The following CLEC4D variants were observed in gnomAD, a reference collection of about 807,000 sequenced individuals.
The protein encoded by CLEC4D is C-type (calcium dependent, carbohydrate-recognition domain) lectin, superfamily member 8.
A neutral mutation model predicts 21.1 loss-of-function variants in CLEC4D; 21 were observed. The ratio of observed to expected loss-of-function variants is 1.00; its 90% CI spans 0.71 to 1.43. The LOEUF (loss-of-function observed/expected upper bound fraction) is 1.43, where lower values mean the gene tolerates loss of function less well. CLEC4D is among the 40% of genes most tolerant of loss of function. The probability of loss-of-function intolerance (pLI) is 0.00; values close to 1 mark genes in which losing one functional copy is unlikely to be tolerated. For synonymous variants in CLEC4D, 85 were observed against 83.1 expected (o/e 1.02, Z -0.12); for missense variants, 289 against 260.7 (o/e 1.11, Z -0.75).
At chr12:8,518,798 C>T (rs1352584315) in intron 3 of CLEC4D, among the ~76,000 whole-genome samples, 2 of 152,104 alleles carry the variant, frequency 1.3e-5, no homozygotes, top group Admixed American at 6.5e-5. Flanking sequence ...GTGATTTTCT[C>T]GTAGTCATTA....
chr12:8,527,445 A>C, the CLEC4D span, among the ~76,000 whole-genome samples: 1 of 151,976 alleles, frequency 6.6e-6, no homozygotes, highest in African/African-American at 2.4e-5. Flanking sequence ...AGGCTGTGTC[A>C]AGGTTAGGCC....
chr12:8,513,567 C>A lies in CLEC4D; in HGVS notation c.-166C>A. ...TTGAAAAAGACTTCTTTTGAGCTAA[C>A]TTTCTTATACTGGTACCTTTCTAAT... is the stretch of plus-strand genomic sequence containing the variant. On this transcript the variant is annotated 5_prime_UTR_variant, in exon 1 of 6. Coordinates refer to ENST00000299665, the MANE Select transcript of CLEC4D (RefSeq NM_080387.5). The A allele has an allele frequency of 5.6e-6, 2 of 358,578 alleles. No individual in the cohort carries two copies. Among genetic ancestry groups the A allele is most frequent in the African/African-American group, 2.1e-5 (1 of 46,708 alleles). 22.2% of individuals were successfully genotyped at this position (358,578 alleles called of 1,614,324 possible). A position where few individuals can be genotyped will look rare whatever the true frequency, so the allele number is the denominator to read the frequency against.
intron 5 of CLEC4D, 26 bp from the exon 6 acceptor site, chr12:8,521,098 C>A: frequency 3.1e-6 from 5 of 1,606,606 alleles, no homozygotes; most frequent in Non-Finnish European, 4.2e-6. Flanking sequence ...ACCTATAAAT[C>A]TCTATCTATG....
intron 2 of CLEC4D, among the ~76,000 whole-genome samples, chr12:8,517,722 G>A (rs1459289811): frequency 1.3e-5 from 2 of 152,080 alleles, no homozygotes; most frequent in South Asian, 2.1e-4. Context: ...CGAGGCAGGC[G>A]GATCTCGAGG....
At chr12:8,519,559 A>G (rs1469358615) in intron 4 of CLEC4D, among the ~76,000 whole-genome samples, 5 of 152,122 alleles carry the variant, frequency 3.3e-5, no homozygotes, top group Non-Finnish European at 7.3e-5. Flanking sequence ...TGCGCTTCCA[A>G]TGTCCCGTGC....
At chr12:8,515,758 G>A (rs757235328) in intron 2 of CLEC4D, among the ~76,000 whole-genome samples, 125 of 151,108 alleles carry the variant, frequency 8.3e-4, no homozygotes, top group African/African-American at 3.0e-3. Flanking sequence ...CCTCTTTATT[G>A]ATGTACGATT....
At chr12:8,516,480 C>G (rs753907711) in intron 2 of CLEC4D, among the ~76,000 whole-genome samples, 3 of 152,134 alleles carry the variant, frequency 2.0e-5, no homozygotes, top group Non-Finnish European at 2.9e-5. Flanking sequence ...AATGAAATGT[C>G]TAATAAACAC....
At position 8,518,241 on chromosome 12, in the gene CLEC4D, A is replaced by G. The variant is rs776374879; in HGVS notation, c.199A>G (p.Ile67Val). 1.7e-5 allele frequency: 23 copies of G among 1,355,114 alleles called. No homozygotes were observed. The Admixed American group carries it at 3.5e-4, about 21-fold the overall frequency. The allele number at this position is 1,355,114 out of a possible 1,614,324, so 83.9% of individuals were successfully genotyped here. The part of the protein sequence containing the change: ...KLEHHAKLKC[I>V]KEKSELKSAE... ...AGAGCACCATGCAAAGCTCAAATGC[A>G]TCAAAGAGAAATCAGAACTGAAAAG... The change falls in exon 3 of 6, where the codon ATC becomes GTC. Residue 67 changes from isoleucine to valine, a missense_variant. Transcript: ENST00000299665.
chr12:8,514,696 A>G (rs1940353659), intron 1 of CLEC4D, among the ~76,000 whole-genome samples: 2 of 152,150 alleles, frequency 1.3e-5, no homozygotes, highest in Admixed American at 6.5e-5. Flanking sequence ...TAATTTACTT[A>G]AAAAATCTGA....
chr12:8,531,252 C>T, the CLEC4D span, among the ~76,000 whole-genome samples: 3 of 152,178 alleles, frequency 2.0e-5, no homozygotes, highest in African/African-American at 7.2e-5. Context: ...GGTAGTCATG[C>T]GTCCCTCTCC....
At position 8,520,214 on chromosome 12, in the gene CLEC4D, A is replaced by G. The variant is rs749098641; in HGVS notation, c.385-12A>G. On this transcript the variant is annotated splice_polypyrimidine_tract_variant and intron_variant, in intron 4 of 5. Transcript: ENST00000299665. Reference sequence around the variant, plus strand: ...TTCATGCAACTATATTAAAATTTACATTTTTATGCAGAACTTTATTATTCA... The same window carrying G: ...TTCATGCAACTATATTAAAATTTACGTTTTTATGCAGAACTTTATTATTCA... The G allele has an allele frequency of 6.2e-7, 1 of 1,612,728 alleles. No individual in the cohort carries two copies. The highest frequency in any genetic ancestry group is 1.7e-5 in the Admixed American group (1 of 59,942).
At chr12:8,518,310 A>C in intron 3 of CLEC4D, 36 bp downstream of exon 3, 1 of 830,988 alleles carries the variant, frequency 1.2e-6, no homozygotes, top group Non-Finnish European at 2.0e-6. Flanking sequence ...TTTAATTTCC[A>C]TTTTCGTTCA....
At chr12:8,523,014 T>G (rs1287378561), downstream of CLEC4D, among the ~76,000 whole-genome samples, 2 of 152,108 alleles carry the variant, frequency 1.3e-5, no homozygotes, top group African/African-American at 2.4e-5. Context: ...TGTAGATGTA[T>G]GGTGTTATTG....
At chr12:8,531,632 C>G in the CLEC4D span, among the ~76,000 whole-genome samples, 8 of 151,946 alleles carry the variant, frequency 5.3e-5, no homozygotes, top group East Asian at 7.7e-4. Flanking sequence ...CGCATTGTAT[C>G]CCACAAATGT....
rs1373920566 is a variant in CLEC4D, at chr12:8,520,306, T to C, written c.465T>C (p.Arg155=). The C allele has an allele frequency of 6.2e-7, 1 of 1,613,922 alleles. No individual in the cohort carries two copies. Among genetic ancestry groups the C allele is most frequent in the Non-Finnish European group, 8.5e-7 (1 of 1,179,904 alleles). Reference sequence around the variant, plus strand: ...ATGAGAATGCCAAAGGTCAGTGGCGTTGGGTGGACCAGACGCCATTTAACC... The same window carrying C: ...ATGAGAATGCCAAAGGTCAGTGGCGCTGGGTGGACCAGACGCCATTTAACC... The part of the protein sequence containing the change: ...LRDENAKGQW[R]WVDQTPFNPR... The change falls in exon 5 of 6, where the codon CGT becomes CGC. Residue 155 remains arginine (R), a synonymous_variant. Coordinates refer to ENST00000299665, the MANE Select transcript of CLEC4D (RefSeq NM_080387.5).
the CLEC4D span, among the ~76,000 whole-genome samples, chr12:8,529,789 G>A: frequency 3.3e-5 from 5 of 152,088 alleles, no homozygotes; most frequent in African/African-American, 4.8e-5. Flanking sequence ...CAGGGGGATG[G>A]GAAAGAGAGA....
Position 8,520,208 on chromosome 12 carries a change from A to G in CLEC4D, c.385-18A>G. The stretch of plus-strand genomic sequence containing the variant: ...ACCTGATTCATGCAACTATATTAAA[A>G]TTTACATTTTTATGCAGAACTTTAT... On this transcript the variant is annotated intron_variant, in intron 4 of 5. Transcript: ENST00000299665. 1 of 1,612,440 alleles carries G rather than the reference A, an allele frequency of 6.2e-7. No homozygotes were observed. The highest frequency in any genetic ancestry group is 8.5e-7 in the Non-Finnish European group (1 of 1,178,846).
At chr12:8,518,555 A>G (rs946074488) in intron 3 of CLEC4D, among the ~76,000 whole-genome samples, 2 of 152,262 alleles carry the variant, frequency 1.3e-5, no homozygotes, top group Non-Finnish European at 2.9e-5. Flanking sequence ...CATATGATAA[A>G]GACAGTTTCC....
intron 4 of CLEC4D, 76 bp downstream of exon 4, chr12:8,519,236 G>T: frequency 1.3e-6 from 2 of 1,520,628 alleles, no homozygotes; most frequent in African/African-American, 1.4e-5. Flanking sequence ...TCTCTGTCCT[G>T]TTATGCCTCT....
Sources: gnomAD v4.1 joint callset for allele counts (sites outside exome capture counted in the v4.1 genomes callset) on GRCh38, gnomAD v4.1.1 for gene constraint, MANE v1.5 for transcripts, NCBI Gene and HGNC (gene_info 2026-07-23, HGNC 2026-07-21) for gene names.